The following PCDHA2 variants were observed in gnomAD, a reference collection of about 807,000 sequenced individuals.
PCDHA2 encodes protocadherin alpha 2, also known as protocadherin alpha-2.
Under a neutral mutation model 66.0 loss-of-function variants are expected in PCDHA2, and 58 were observed. That is an observed-to-expected ratio of 0.88 (90% CI 0.71 to 1.09). PCDHA2 has a LOEUF of 1.09. PCDHA2 is among the 50% of genes least tolerant of loss of function. PCDHA2 has a pLI of 0.00. For synonymous variants in PCDHA2, 634 were observed against 554.0 expected, an observed-to-expected ratio of 1.14 and a Z score of -2.03; for missense variants, 1,267 against 1,242.3, an observed-to-expected ratio of 1.02 and a Z score of -0.30.
chr5:140,848,592 T>C, intron 1 of PCDHA2: 1 of 1,594,614 alleles, frequency 6.3e-7, no homozygotes, highest in Non-Finnish European at 8.6e-7. Context: ...CCAGCTCCAC[T>C]ACTCCGTCCC....
chr5:140,883,559 G>A (rs2059672435), intron 1 of PCDHA2: 5 of 1,614,074 alleles, frequency 3.1e-6, no homozygotes, highest in Non-Finnish European at 4.2e-6. Context: ...GCGGGACGGG[G>A]GCTCGCCTTC....
intron 3 of PCDHA2, among the ~76,000 whole-genome samples, chr5:140,992,330 C>A (rs1240004004): frequency 6.6e-6 from 1 of 152,070 alleles, no homozygotes. Context: ...TTTCTAAGAG[C>A]AAAGATGGAA....
At position 140,857,302 on chromosome 5, in the gene PCDHA2, G is replaced by C. The variant is rs782029015; in HGVS notation, c.2388+59950G>C. 5.0e-6 allele frequency: 8 copies of C among 1,598,652 alleles called. 1 individual carries two copies. The highest frequency in any genetic ancestry group is 3.4e-5 in the Admixed American group (2 of 59,338). On this transcript the variant is annotated intron_variant, in intron 1 of 3. Transcript: ENST00000526136. ...GCGCTCTGGACCGCGAGAGGGTGTCGGCCTATGAGCTGGTGGTGACCGCGC... is the reference window on the plus strand; with the variant it reads ...GCGCTCTGGACCGCGAGAGGGTGTCCGCCTATGAGCTGGTGGTGACCGCGC...
intron 1 of PCDHA2, among the ~76,000 whole-genome samples, chr5:140,937,123 C>T (rs1255527159): frequency 1.3e-5 from 2 of 151,390 alleles, no homozygotes; most frequent in Non-Finnish European, 2.9e-5. Context: ...CTGCAAGCTC[C>T]GCCTCCCGGG....
chr5:140,907,727 C>T (rs2153502591), intron 1 of PCDHA2, among the ~76,000 whole-genome samples: 1 of 152,306 alleles, frequency 6.6e-6, no homozygotes, highest in Admixed American at 6.5e-5. Flanking sequence ...AACCTCCATC[C>T]CTGCCACCAT....
At chr5:141,001,276 T>C (rs2098003991) in intron 3 of PCDHA2, among the ~76,000 whole-genome samples, 1 of 152,210 alleles carries the variant, frequency 6.6e-6, no homozygotes. Context: ...GAACTTTTTT[T>C]ACGGATGAAA....
At position 141,011,769 on chromosome 5, in the gene PCDHA2, A is replaced by C. The variant is rs2098421803; in HGVS notation, c.*1832A>C. 1 of 153,794 alleles carries C rather than the reference A, an allele frequency of 6.5e-6. No homozygotes were observed. The highest frequency in any genetic ancestry group is 1.5e-5 in the Non-Finnish European group (1 of 68,040). 9.5% of individuals were successfully genotyped at this position (153,794 alleles called of 1,614,324 possible). On this transcript the variant is annotated 3_prime_UTR_variant, in exon 4 of 4. Coordinates refer to ENST00000526136, the MANE Select transcript of PCDHA2 (RefSeq NM_018905.3). ...AATCTGACCTCTTTGAAGTTGCAGA[A>C]TGCTTTGAAATTCTAATGGTATCTG... is the stretch of plus-strand genomic sequence containing the variant.
chr5:140,830,308 G>A, intron 1 of PCDHA2: 1 of 1,613,990 alleles, frequency 6.2e-7, no homozygotes, highest in Non-Finnish European at 8.5e-7. Flanking sequence ...AGCCCACGCT[G>A]GTGTGCTCCA....
At chr5:140,952,515 C>G (rs2094758109) in intron 1 of PCDHA2, among the ~76,000 whole-genome samples, 1 of 152,132 alleles carries the variant, frequency 6.6e-6, no homozygotes, top group Non-Finnish European at 1.5e-5. Context: ...TCATCTCCAT[C>G]TGAGACCTCC....
At chr5:140,800,112 C>G (rs552982615) in intron 1 of PCDHA2, among the ~76,000 whole-genome samples, 2 of 152,010 alleles carry the variant, frequency 1.3e-5, no homozygotes, top group African/African-American at 4.8e-5. Context: ...TCATCAAAAA[C>G]GTAATTACTT....
At chr5:140,839,391 TGA>T (rs2150297382) in intron 1 of PCDHA2, among the ~76,000 whole-genome samples, 1,897 of 151,830 alleles carry the variant, frequency 0.012, 32 homozygotes, top group Middle Eastern at 0.017. Context: ...ATGATGATGA[TGA>T]TGATTATTAT....
intron 1 of PCDHA2, among the ~76,000 whole-genome samples, chr5:140,964,804 G>A (rs1484818069): frequency 6.6e-6 from 1 of 152,012 alleles, no homozygotes; most frequent in African/African-American, 2.4e-5. Context: ...CAAGAAAGGA[G>A]ACAGGAATAG....
At chr5:140,835,905 G>T (rs1270383213) in intron 1 of PCDHA2, 2 of 1,612,070 alleles carry the variant, frequency 1.2e-6, no homozygotes, top group Admixed American at 1.7e-5. Flanking sequence ...GTCGAGCTAC[G>T]TGTCAGTGCA....
intron 1 of PCDHA2, chr5:140,882,378 A>G: frequency 6.2e-7 from 1 of 1,614,186 alleles, no homozygotes; most frequent in Non-Finnish European, 8.5e-7. Flanking sequence ...TCCGTCCCCG[A>G]GGAAGCAAAA....
chr5:140,927,027 G>A (rs1554203924), intron 1 of PCDHA2: 3 of 1,612,328 alleles, frequency 1.9e-6, no homozygotes, highest in Non-Finnish European at 1.7e-6. Context: ...ACTTGAGGCT[G>A]CCAGCGGCCG....
chr5:140,857,558 T>A (rs782138602), intron 1 of PCDHA2: 1 of 1,596,966 alleles, frequency 6.3e-7, no homozygotes, highest in Non-Finnish European at 8.6e-7. Flanking sequence ...GCGCTCGCTG[T>A]CGAGCTACGT....
At chr5:140,928,467 A>C (rs782319281) in intron 1 of PCDHA2, 29 of 1,614,142 alleles carry the variant, frequency 1.8e-5, no homozygotes, top group Non-Finnish European at 2.3e-5. Flanking sequence ...ATTTCCAAGT[A>C]GAAGGCCGGG....
chr5:140,849,832 C>G lies in PCDHA2; in HGVS notation c.2388+52480C>G. The G allele has an allele frequency of 6.3e-7, 1 of 1,598,398 alleles. No individual in the cohort carries two copies. The highest frequency in any genetic ancestry group is 1.1e-5 in the South Asian group (1 of 90,532). On this transcript the variant is annotated intron_variant, in intron 1 of 3. Coordinates refer to ENST00000526136, the MANE Select transcript of PCDHA2 (RefSeq NM_018905.3). ...ACGGCCAGGGTGTCTGTGGAGGTGGCCGACGTGAACGACAACGCACCAGCG... is the reference window on the plus strand; with the variant it reads ...ACGGCCAGGGTGTCTGTGGAGGTGGGCGACGTGAACGACAACGCACCAGCG...
At position 140,841,649 on chromosome 5, in the gene PCDHA2, G is replaced by A. The variant is rs2150320047; in HGVS notation, c.2388+44297G>A. 1.6e-5 allele frequency: 26 copies of A among 1,614,166 alleles called. No homozygotes were observed. In the Admixed American group the frequency reaches 3.2e-4, roughly 20 times the overall value. On this transcript the variant is annotated intron_variant, in intron 1 of 3. Transcript: ENST00000526136. ...GTGCAGCATCCACCTGGAGGTGATCGTGGACAGGCCGCTGCAGGTTTTCCA... is the reference window on the plus strand; with the variant it reads ...GTGCAGCATCCACCTGGAGGTGATCATGGACAGGCCGCTGCAGGTTTTCCA...
Sources: gnomAD v4.1 joint callset for allele counts (sites outside exome capture counted in the v4.1 genomes callset) on GRCh38, gnomAD v4.1.1 for gene constraint, MANE v1.5 for transcripts, NCBI Gene and HGNC (gene_info 2026-07-23, HGNC 2026-07-21) for gene names.